ZDHHC14: variants seen among roughly 807,000 people sequenced by gnomAD.
ZDHHC14 encodes palmitoyltransferase ZDHHC14.
Under a neutral mutation model 47.7 loss-of-function variants are expected in ZDHHC14, and 16 were observed. The observed-to-expected ratio is 0.34, with a 90% CI of 0.23 to 0.51. The LOEUF is 0.51. ZDHHC14 is among the 20% of genes least tolerant of loss of function. ZDHHC14 has a pLI of 0.97. For missense variants in ZDHHC14, 515 were observed against 662.5 expected (o/e 0.78, Z 2.44); for synonymous variants, 293 against 278.9 (o/e 1.05, Z -0.50).
rs1778933181 is a variant in ZDHHC14, at chr6:157,674,338, G to A, written c.*1216G>A. 6.6e-6 allele frequency: 1 copy of A among 152,132 alleles called. No individual in the cohort carries two copies. Among genetic ancestry groups the A allele is most frequent in the Admixed American group, 6.5e-5 (1 of 15,272 alleles). 9.4% of individuals were successfully genotyped at this position (152,132 alleles called of 1,614,324 possible). On this transcript the variant is annotated 3_prime_UTR_variant, in exon 9 of 9. Coordinates refer to ENST00000359775, the MANE Select transcript of ZDHHC14 (RefSeq NM_024630.3). ...TAGTAAAGGTATCAGAAAATGAGGAGGAGAAATCGGCTTACAGTCTAAGCT... is the reference window on the plus strand; with the variant it reads ...TAGTAAAGGTATCAGAAAATGAGGAAGAGAAATCGGCTTACAGTCTAAGCT...
intron 1 of ZDHHC14, among the ~76,000 whole-genome samples, chr6:157,486,691 C>T (rs1583696741): frequency 6.6e-6 from 1 of 152,016 alleles, no homozygotes; most frequent in African/African-American, 2.4e-5. Context: ...CACAGGGAGC[C>T]CGAGGGAAGA....
intron 3 of ZDHHC14, among the ~76,000 whole-genome samples, chr6:157,608,643 C>A (rs1784638143): frequency 6.6e-6 from 1 of 152,188 alleles, no homozygotes; most frequent in Non-Finnish European, 1.5e-5. Context: ...CAGAGTGAGT[C>A]AGTGTGGCAG....
chr6:157,555,746 C>T (rs1049468827), intron 2 of ZDHHC14, among the ~76,000 whole-genome samples: 61 of 152,146 alleles, frequency 4.0e-4, no homozygotes, highest in Admixed American at 3.7e-3. Context: ...TTGTGGGCCC[C>T]GCACCCCCAC....
chr6:157,509,012 G>A (rs752081826), intron 1 of ZDHHC14, among the ~76,000 whole-genome samples: 5 of 152,194 alleles, frequency 3.3e-5, no homozygotes, highest in African/African-American at 4.8e-5. Context: ...CTTCCCGGCT[G>A]TTGGCCAGGG....
chr6:157,629,226 A>G (rs1305503903), intron 4 of ZDHHC14, among the ~76,000 whole-genome samples: 1 of 152,206 alleles, frequency 6.6e-6, no homozygotes, highest in African/African-American at 2.4e-5. Flanking sequence ...TCACTTTTCT[A>G]CAATAGAAAG....
chr6:157,618,672 T>C (rs754832934), intron 3 of ZDHHC14, among the ~76,000 whole-genome samples: 7 of 152,108 alleles, frequency 4.6e-5, no homozygotes, highest in Non-Finnish European at 1.0e-4. Context: ...AGCTCCTAGA[T>C]TCTAGGAAGC....
Position 157,674,798 on chromosome 6 carries a change from G to A in ZDHHC14, c.*1676G>A, listed in dbSNP as rs372131978. 1.3e-5 allele frequency: 2 copies of A among 152,290 alleles called. No homozygotes were observed. The highest frequency in any genetic ancestry group is 3.9e-4 in the East Asian group (2 of 5,192). The allele number at this position is 152,290 out of a possible 1,614,324, so 9.4% of individuals were successfully genotyped here. A position where few individuals can be genotyped will look rare whatever the true frequency, so the allele number is the denominator to read the frequency against. ...TCACAAAATAATTCATGCTGAAAGG[G>A]CCTGCAGAGTTCTTGCACTGTGATG... On this transcript the variant is annotated 3_prime_UTR_variant, in exon 9 of 9. Coordinates refer to ENST00000359775, the MANE Select transcript of ZDHHC14 (RefSeq NM_024630.3).
At chr6:157,468,307 G>A (rs1261579619) in intron 1 of ZDHHC14, among the ~76,000 whole-genome samples, 2 of 152,170 alleles carry the variant, frequency 1.3e-5, no homozygotes, top group Admixed American at 6.5e-5. Flanking sequence ...CTCTGAACGC[G>A]GAGGTAGCAG....
At chr6:157,545,783 T>C (rs1562473049) in intron 2 of ZDHHC14, among the ~76,000 whole-genome samples, 1 of 152,076 alleles carries the variant, frequency 6.6e-6, no homozygotes, top group African/African-American at 2.4e-5. Context: ...GCCTCAGACA[T>C]GGGTTTGAAT....
chr6:157,657,465 G>A (rs1485902547), intron 8 of ZDHHC14, among the ~76,000 whole-genome samples: 22 of 152,136 alleles, frequency 1.4e-4, no homozygotes, highest in Admixed American at 1.2e-3. Context: ...GGAGCTGTTC[G>A]GTACAAAAAC....
chr6:157,416,510 C>CA (rs1183311177), intron 1 of ZDHHC14, among the ~76,000 whole-genome samples: 10 of 149,402 alleles, frequency 6.7e-5, no homozygotes, highest in Non-Finnish European at 8.9e-5. Flanking sequence ...AAAAAACAAG[C>CA]AAAAAAAAAT....
intron 1 of ZDHHC14, among the ~76,000 whole-genome samples, chr6:157,419,802 T>G (rs1028196034): frequency 3.3e-5 from 5 of 152,246 alleles, no homozygotes. Context: ...ACATAAGTTT[T>G]CAGGGGACGT....
At chr6:157,473,996 T>G (rs1253336478) in intron 1 of ZDHHC14, among the ~76,000 whole-genome samples, 1 of 150,134 alleles carries the variant, frequency 6.7e-6, no homozygotes, top group Non-Finnish European at 1.5e-5. Context: ...TTCTTTTTTT[T>G]TTTTTTTTTT....
At chr6:157,602,832 C>T (rs527658444) in intron 3 of ZDHHC14, among the ~76,000 whole-genome samples, 2 of 152,302 alleles carry the variant, frequency 1.3e-5, no homozygotes, top group East Asian at 1.9e-4. Context: ...GGCACCAGCC[C>T]CTTCGTGCTA....
chr6:157,533,982 T>C lies in ZDHHC14; in HGVS notation c.246-8603T>C, dbSNP rs569000857. 2.6e-5 allele frequency among the ~76,000 whole-genome samples: 4 copies of C among 152,372 alleles called. No homozygotes were observed. In the East Asian group the frequency reaches 7.7e-4, roughly 29 times the overall value. On this transcript the variant is annotated intron_variant, in intron 1 of 8. Transcript: ENST00000359775. ...TCCCTTGTGGTTAGGGAATATTATC[T>C]GATTTGGCACATTTCCCCTTAATGA...
rs34288957 is a variant in ZDHHC14, at chr6:157,566,849, A to ATT, written c.406+24122_406+24123dup. Among the ~76,000 whole-genome samples the ATT allele has an allele frequency of 9.0e-3, 1,228 of 136,662 alleles. 6 individuals are homozygous for ATT. Among genetic ancestry groups the ATT allele is most frequent in the Non-Finnish European group, 0.01 (642 of 63,980 alleles). The allele number at this position is 136,662 out of a possible 152,430, so 89.7% of individuals were successfully genotyped here. ...AACCAAGGAGAATTTAGCAAGGGGAATTTTTTTTTTTTTTTTTTTGAGTCA... is the reference window on the plus strand; with the variant it reads ...AACCAAGGAGAATTTAGCAAGGGGAATTTTTTTTTTTTTTTTTTTTTGAGTCA... On this transcript the variant is annotated intron_variant, in intron 2 of 8. Coordinates refer to ENST00000359775, the MANE Select transcript of ZDHHC14 (RefSeq NM_024630.3).
intron 1 of ZDHHC14, among the ~76,000 whole-genome samples, chr6:157,471,690 C>T (rs866559468): frequency 2.6e-5 from 4 of 152,138 alleles, no homozygotes; most frequent in South Asian, 2.1e-4. Context: ...GGAGAGAAGA[C>T]GGTCTTGGAA....
At chr6:157,433,692 G>A (rs193280731) in intron 1 of ZDHHC14, among the ~76,000 whole-genome samples, 1 of 152,208 alleles carries the variant, frequency 6.6e-6, no homozygotes, top group Non-Finnish European at 1.5e-5. Context: ...CATCAGGACC[G>A]AGTGTGTGTG....
At chr6:157,399,481 A>G (rs1777587985) in intron 1 of ZDHHC14, among the ~76,000 whole-genome samples, 1 of 152,248 alleles carries the variant, frequency 6.6e-6, no homozygotes, top group Non-Finnish European at 1.5e-5. Flanking sequence ...GTCTCTTCTC[A>G]TAATTTGTGC....
Sources: allele counts gnomAD v4.1 joint callset (sites outside exome capture counted in the v4.1 genomes callset), GRCh38; gene constraint gnomAD v4.1.1; transcripts MANE v1.5; gene names NCBI Gene and HGNC (gene_info 2026-07-23, HGNC 2026-07-21).